Variants in ANKMY2 observed in about 807,000 individuals in gnomAD.
ANKMY2 encodes ankyrin repeat and MYND domain containing 2, also known as ankyrin repeat and MYND domain-containing protein 2.
Under a neutral mutation model 50.4 loss-of-function variants are expected in ANKMY2, and 36 were observed. The observed-to-expected ratio is 0.71, with a 90% confidence interval of 0.55 to 0.94. ANKMY2 has a LOEUF of 0.94. Among genes scored for constraint, ANKMY2 ranks in the 40% least tolerant of loss-of-function variants. ANKMY2 has a pLI of 0.00. For synonymous variants in ANKMY2, 187 were observed against 178.8 expected (o/e 1.05, Z -0.36); for missense variants, 565 against 524.0 (o/e 1.08, Z -0.76).
chr7:16,634,884 C>A (rs1174826772), intron 2 of ANKMY2, among the ~76,000 whole-genome samples: 1 of 151,986 alleles, frequency 6.6e-6, no homozygotes, highest in Non-Finnish European at 1.5e-5. Flanking sequence ...AAAAAAAGCT[C>A]AGGAGTATTT....
intron 1 of ANKMY2, among the ~76,000 whole-genome samples, chr7:16,644,424 C>A (rs1377271921): frequency 6.6e-6 from 1 of 152,206 alleles, no homozygotes; most frequent in Non-Finnish European, 1.5e-5. Context: ...TTCTCCTTCG[C>A]ATGTGGAGTT....
chr7:16,609,697 C>T lies in ANKMY2; in HGVS notation c.815G>A (p.Arg272Lys). 6.2e-7 allele frequency: 1 copy of T among 1,612,906 alleles called. No individual in the cohort carries two copies. Among genetic ancestry groups the T allele is most frequent in the Non-Finnish European group, 8.5e-7 (1 of 1,179,696 alleles). The change falls in exon 7 of 10, where the codon AGA (arginine) becomes AAA (lysine). Residue 272 changes from arginine to lysine, a missense_variant. Physicochemically the swap from Arg to Lys is conservative, Grantham distance 26. Coordinates refer to ENST00000306999, the MANE Select transcript of ANKMY2 (RefSeq NM_020319.3). ...TGTAGCTTCACAGTAAGGAAATTTT[C>T]TGATACTTTCTCTAATGATCTTTTC... ...YQEKIIRESI[R>K]KFPYCEATLL...
chr7:16,604,604 C>T lies in ANKMY2; in HGVS notation c.1011+117G>A, dbSNP rs946703153. ...TTTTAAGTATTAAATAGAATATTTT[C>T]GTTACTAGAATTTATTAGAAAACTA... On this transcript the variant is annotated intron_variant, in intron 8 of 9. Transcript: ENST00000306999. 3.6e-5 allele frequency: 47 copies of T among 1,323,560 alleles called. No homozygotes were observed. The South Asian group carries it at 5.1e-4, about 14-fold the overall frequency. The allele number at this position is 1,323,560 out of a possible 1,614,324, so 82.0% of individuals were successfully genotyped here.
intron 1 of ANKMY2, 62 bp downstream of exon 1, chr7:16,645,445 C>A: frequency 1.3e-6 from 2 of 1,518,394 alleles, no homozygotes; most frequent in Non-Finnish European, 1.8e-6. Flanking sequence ...GAGCGCCCCC[C>A]GGGCTCCGCC....
Position 16,645,704 on chromosome 7 carries a change from C to G in ANKMY2, c.-131G>C. ...GACACTGAGTAGCCAACCGCGGAAA[C>G]GCTTCGCTTCTCTCCTCCCTCCCGC... On this transcript the variant is annotated 5_prime_UTR_variant, in exon 1 of 10. Coordinates refer to ENST00000306999, the MANE Select transcript of ANKMY2 (RefSeq NM_020319.3). 1 of 991,068 alleles carries G rather than the reference C, an allele frequency of 1.0e-6. No individual in the cohort carries two copies. The highest frequency in any genetic ancestry group is 1.4e-6 in the Non-Finnish European group (1 of 700,238). The allele number at this position is 991,068 out of a possible 1,614,324, so 61.4% of individuals were successfully genotyped here. A position where few individuals can be genotyped will look rare whatever the true frequency, so the allele number is the denominator to read the frequency against.
intron 4 of ANKMY2, among the ~76,000 whole-genome samples, chr7:16,616,290 A>T (rs1352413808): frequency 6.6e-6 from 1 of 152,150 alleles, no homozygotes; most frequent in Non-Finnish European, 1.5e-5. Context: ...TTGTATTTAC[A>T]CAAAATTTAA....
chr7:16,600,421 T>G lies in ANKMY2; in HGVS notation c.*340A>C, dbSNP rs906647286. 1 of 167,424 alleles carries G rather than the reference T, an allele frequency of 6.0e-6. No individual in the cohort carries two copies. The highest frequency in any genetic ancestry group is 2.4e-5 in the African/African-American group (1 of 42,098). 10.4% of individuals were successfully genotyped at this position (167,424 alleles called of 1,614,324 possible). A position where few individuals can be genotyped will look rare whatever the true frequency, so the allele number is the denominator to read the frequency against. On this transcript the variant is annotated 3_prime_UTR_variant, in exon 10 of 10. Transcript: ENST00000306999. ...ATCTCTCTTCCACACCTGTTCTGCT[T>G]GTCCCTTTGTTCCCTAAAGCCTGTA...
chr7:16,626,992 T>C, intron 3 of ANKMY2, 48 bp downstream of exon 3: 1 of 1,461,532 alleles, frequency 6.8e-7, no homozygotes. Context: ...TATGTACTTA[T>C]AACAAGTTTG....
intron 1 of ANKMY2, among the ~76,000 whole-genome samples, chr7:16,639,058 T>A (rs752894736): frequency 2.6e-5 from 4 of 152,138 alleles, no homozygotes; most frequent in Non-Finnish European, 4.4e-5. Context: ...TAAAAATAGA[T>A]TTGGAACATG....
At position 16,600,699 on chromosome 7, in the gene ANKMY2, C is replaced by G. The variant is rs1781038718; in HGVS notation, c.*62G>C. The G allele has an allele frequency of 7.5e-6, 11 of 1,460,064 alleles. No individual in the cohort carries two copies. The highest frequency in any genetic ancestry group is 1.0e-5 in the Non-Finnish European group (11 of 1,087,896). The allele number at this position is 1,460,064 out of a possible 1,614,324, so 90.4% of individuals were successfully genotyped here. On this transcript the variant is annotated 3_prime_UTR_variant, in exon 10 of 10. Transcript: ENST00000306999. Reference sequence around the variant, plus strand: ...TATAACAAGGTGAGGACAATGCATTCCTAGGAGTTTTCCAGCTTCTTGCAG... The same window carrying G: ...TATAACAAGGTGAGGACAATGCATTGCTAGGAGTTTTCCAGCTTCTTGCAG...
intron 8 of ANKMY2, among the ~76,000 whole-genome samples, chr7:16,604,074 G>T (rs1285846860): frequency 2.0e-5 from 3 of 152,224 alleles, no homozygotes; most frequent in African/African-American, 7.2e-5. Context: ...GGTCACAGCA[G>T]ATTATAATGG....
intron 1 of ANKMY2, among the ~76,000 whole-genome samples, chr7:16,640,971 A>C (rs1344941784): frequency 3.3e-5 from 5 of 152,242 alleles, no homozygotes; most frequent in Admixed American, 6.5e-5. Flanking sequence ...AAATGTTTAA[A>C]GTGCCTTAAT....
At chr7:16,625,326 C>T (rs893021587) in intron 3 of ANKMY2, among the ~76,000 whole-genome samples, 31 of 152,290 alleles carry the variant, frequency 2.0e-4, no homozygotes, top group African/African-American at 6.5e-4. Flanking sequence ...GAATTGAATA[C>T]TGCCTTTTTA....
At chr7:16,622,446 A>T (rs1445314658) in intron 4 of ANKMY2, among the ~76,000 whole-genome samples, 1 of 152,132 alleles carries the variant, frequency 6.6e-6, no homozygotes, top group Non-Finnish European at 1.5e-5. Flanking sequence ...CTAGACTTAC[A>T]TTAAAATTAA....
intron 2 of ANKMY2, among the ~76,000 whole-genome samples, chr7:16,635,717 C>G (rs1781650120): frequency 6.6e-6 from 1 of 152,108 alleles, no homozygotes; most frequent in Non-Finnish European, 1.5e-5. Context: ...TTAACTTTCC[C>G]TAGAACTGAA....
chr7:16,644,077 T>C (rs1335106591), intron 1 of ANKMY2, among the ~76,000 whole-genome samples: 2 of 152,066 alleles, frequency 1.3e-5, no homozygotes, highest in Non-Finnish European at 2.9e-5. Flanking sequence ...CCTAAAAGAA[T>C]TTTTGTCCCT....
rs1335111933 is a variant in ANKMY2, at chr7:16,602,380, G to A, written c.1141C>T (p.His381Tyr). The change falls in exon 9 of 10, where the codon CAC becomes TAC. Residue 381 changes from histidine (H) to tyrosine (Y), a missense_variant and splice_region_variant. By Grantham distance (83) the His-to-Tyr change is moderately conservative. Transcript: ENST00000306999. The part of the protein sequence containing the change: ...AAKEKRQEEN[H>Y]GKLDVNSNCV... ...GTGAACTCGGTTTTTATATACATACGGTTTTCCTCTTGTCTCTTTTCTTTG... is the reference window on the plus strand; with the variant it reads ...GTGAACTCGGTTTTTATATACATACAGTTTTCCTCTTGTCTCTTTTCTTTG... 1.4e-5 allele frequency: 23 copies of A among 1,611,734 alleles called. No homozygotes were observed. Among genetic ancestry groups the A allele is most frequent in the African/African-American group, 8.0e-5 (6 of 74,668 alleles).
At chr7:16,604,697 A>G (rs1258981153) in intron 8 of ANKMY2, 24 bp downstream of exon 8, 1 of 1,609,160 alleles carries the variant, frequency 6.2e-7, no homozygotes, top group South Asian at 1.1e-5. Flanking sequence ...GAGGTCAATG[A>G]AATAAAAAGA....
chr7:16,604,957 G>T, intron 7 of ANKMY2, 108 bp from the exon 8 acceptor site: 1 of 1,131,236 alleles, frequency 8.8e-7, no homozygotes, highest in Non-Finnish European at 1.2e-6. Context: ...ACACAAAAAG[G>T]AAGAAATCAT....
Sources: allele counts gnomAD v4.1 joint callset (sites outside exome capture counted in the v4.1 genomes callset), GRCh38; gene constraint gnomAD v4.1.1; transcripts MANE v1.5; gene names NCBI Gene and HGNC (gene_info 2026-07-23, HGNC 2026-07-21).